SLA: variants seen among roughly 807,000 people sequenced by gnomAD.
SLA encodes Src like adaptor.
SLA carries 16 observed loss-of-function variants against 30.3 expected under a neutral mutation model. The observed-to-expected ratio is 0.53, with a 90% CI of 0.36 to 0.80. The LOEUF (loss-of-function observed/expected upper bound fraction) is 0.80, where lower values mean the gene tolerates loss of function less well. SLA is among the 30% of genes least tolerant of loss of function. SLA has a pLI of 0.01. For missense variants in SLA, 310 were observed against 345.2 expected (o/e 0.90, Z 0.81); for synonymous variants, 143 against 137.8 (o/e 1.04, Z -0.26).
intron 1 of SLA, chr8:133,076,793 C>T (rs1008509177): frequency 1.3e-5 from 2 of 150,488 alleles, no homozygotes; most frequent in Non-Finnish European, 2.9e-5. Context: ...CTGCAAAAGC[C>T]CTGCCCTTCC....
intron 1 of SLA, among the ~76,000 whole-genome samples, chr8:133,098,086 C>T (rs1357741514): frequency 1.3e-5 from 2 of 152,162 alleles, no homozygotes; most frequent in Admixed American, 6.5e-5. Flanking sequence ...CAAGCACTCA[C>T]ATACAGCATA....
chr8:133,069,953 A>C (rs535869625), intron 2 of SLA, among the ~76,000 whole-genome samples: 1 of 136,802 alleles, frequency 7.3e-6, no homozygotes, highest in Non-Finnish European at 1.5e-5. Context: ...GTGAGCCGAG[A>C]TTGTGCCACT....
chr8:133,062,359 C>T lies in SLA; in HGVS notation c.-40-2159G>A, dbSNP rs906434573. 6.6e-5 allele frequency among the ~76,000 whole-genome samples: 10 copies of T among 152,340 alleles called. No homozygotes were observed. The South Asian group carries it at 2.1e-3, about 32-fold the overall frequency. ...CATTGGCCTTGTCTCCATTCCTGAG[C>T]CTGGCGAAGGTACCCAAGAAATGTG... On this transcript the variant is annotated intron_variant, in intron 2 of 8. Coordinates refer to ENST00000338087, the MANE Select transcript of SLA (RefSeq NM_001045556.3).
intron 1 of SLA, among the ~76,000 whole-genome samples, chr8:133,093,431 T>C (rs1847903836): frequency 6.6e-6 from 1 of 152,124 alleles, no homozygotes. Flanking sequence ...CTTGCTTTGT[T>C]TTAAAGCAGG....
intron 6 of SLA, chr8:133,047,547 C>G (rs1685521533): frequency 2.2e-6 from 1 of 459,488 alleles, no homozygotes; most frequent in Non-Finnish European, 4.0e-6. Flanking sequence ...ACACTGCGTT[C>G]AGTTTTGTTC....
intron 2 of SLA, 130 bp from the exon 3 acceptor site, chr8:133,060,330 T>C (rs758332664): frequency 3.0e-5 from 46 of 1,554,134 alleles, no homozygotes; most frequent in East Asian, 9.8e-5. Flanking sequence ...GCTGTTTATA[T>C]GTGAAGATGA....
intron 1 of SLA, among the ~76,000 whole-genome samples, chr8:133,084,554 A>G (rs1327240589): frequency 1.3e-5 from 2 of 152,234 alleles, no homozygotes; most frequent in African/African-American, 2.4e-5. Context: ...AAGCATTTAA[A>G]TGGCTTCTGA....
At chr8:133,082,973 C>G (rs1439880427) in intron 1 of SLA, among the ~76,000 whole-genome samples, 3 of 152,202 alleles carry the variant, frequency 2.0e-5, no homozygotes, top group Admixed American at 2.0e-4. Flanking sequence ...CTGTCAGCGC[C>G]TGCTTCCATG....
At chr8:133,092,196 A>G (rs2739177) in intron 1 of SLA, among the ~76,000 whole-genome samples, 115,847 of 152,126 alleles carry the variant, frequency 0.76, 45,002 homozygotes, top group African/African-American at 0.89. Flanking sequence ...GTGTGTCTCC[A>G]TCTGTGGTTG....
At position 133,037,350 on chromosome 8, in the gene SLA, A is replaced by G. The variant is rs1228582793; in HGVS notation, c.*1174T>C. The G allele has an allele frequency of 2.0e-5, 3 of 152,130 alleles. No individual in the cohort carries two copies. The highest frequency in any genetic ancestry group is 6.5e-5 in the Admixed American group (1 of 15,280). The allele number at this position is 152,130 out of a possible 1,614,324, so 9.4% of individuals were successfully genotyped here. ...CTCCCCATCTTTCCTGGAGCTGAGC[A>G]TTTTTCCTCATATGGATGCCAGACC... On this transcript the variant is annotated 3_prime_UTR_variant, in exon 9 of 9. Transcript: ENST00000338087.
At chr8:133,084,274 C>T (rs1257571564) in intron 1 of SLA, among the ~76,000 whole-genome samples, 1 of 152,136 alleles carries the variant, frequency 6.6e-6, no homozygotes. Flanking sequence ...TAGCTCTTCT[C>T]CTGGGCCCTG....
chr8:133,063,626 G>T (rs1035146275), intron 2 of SLA: 3 of 152,186 alleles, frequency 2.0e-5, no homozygotes, highest in Non-Finnish European at 4.4e-5. Context: ...AGAGGCCTGG[G>T]TTCTTCTACG....
At chr8:133,054,541 C>T (rs528122994) in intron 3 of SLA, among the ~76,000 whole-genome samples, 1 of 152,290 alleles carries the variant, frequency 6.6e-6, no homozygotes, top group South Asian at 2.1e-4. Context: ...CATTTTAGGG[C>T]CTGCCTTAGT....
At chr8:133,055,588 G>A (rs767527368) in intron 3 of SLA, among the ~76,000 whole-genome samples, 87 of 152,084 alleles carry the variant, frequency 5.7e-4, no homozygotes, top group Non-Finnish European at 1.1e-3. Flanking sequence ...TGGTTTTTCC[G>A]TATGTTAGTG....
chr8:133,067,735 C>T (rs541976709), intron 2 of SLA, among the ~76,000 whole-genome samples: 104 of 151,454 alleles, frequency 6.9e-4, no homozygotes, highest in Admixed American at 1.2e-3. Context: ...GAGATCGCAC[C>T]GCTGCACATT....
At chr8:133,057,241 A>G (rs920578224) in intron 3 of SLA, among the ~76,000 whole-genome samples, 1 of 152,158 alleles carries the variant, frequency 6.6e-6, no homozygotes, top group Non-Finnish European at 1.5e-5. Context: ...AGATCACAGC[A>G]GAGAGACAGA....
chr8:133,042,692 T>C lies in SLA; in HGVS notation c.484+2292A>G, dbSNP rs1375452747. On this transcript the variant is annotated intron_variant, in intron 7 of 8. Transcript: ENST00000338087. ...TCATTCTGTGTCTTTTTTTTTTTTT[T>C]TTTTTTTTTTTTTTTTTGTGAGATG... is the stretch of plus-strand genomic sequence containing the variant. Among the ~76,000 whole-genome samples, 8 of 124,782 alleles carry C rather than the reference T, an allele frequency of 6.4e-5. No homozygotes were observed. The South Asian group carries it at 1.9e-3, about 30-fold the overall frequency. The allele number at this position is 124,782 out of a possible 152,430, so 81.9% of individuals were successfully genotyped here.
intron 1 of SLA, among the ~76,000 whole-genome samples, chr8:133,099,059 T>C (rs1270584626): frequency 6.6e-6 from 1 of 152,204 alleles, no homozygotes; most frequent in Non-Finnish European, 1.5e-5. Flanking sequence ...GCTTACTTTG[T>C]TTACTTGCAA....
At chr8:133,060,905 T>A (rs1369112867) in intron 2 of SLA, among the ~76,000 whole-genome samples, 2 of 152,350 alleles carry the variant, frequency 1.3e-5, no homozygotes, top group Non-Finnish European at 2.9e-5. Context: ...GAACCACTGA[T>A]GCTAAATCTC....
Sources: gnomAD v4.1 joint callset for allele counts (sites outside exome capture counted in the v4.1 genomes callset) on GRCh38, gnomAD v4.1.1 for gene constraint, MANE v1.5 for transcripts, NCBI Gene and HGNC (gene_info 2026-07-23, HGNC 2026-07-21) for gene names.